The following OR9I1 variants were observed in gnomAD, a reference collection of about 807,000 sequenced individuals.
OR9I1 encodes olfactory receptor 9I1.
OR9I1 carries 7 observed loss-of-function variants against 11.2 expected under a neutral mutation model. The ratio of observed to expected loss-of-function variants is 0.62; its 90% CI spans 0.36 to 1.17. OR9I1 has a LOEUF of 1.17. OR9I1 is among the 50% of genes most tolerant of loss of function. OR9I1 has a pLI of 0.02. For synonymous variants in OR9I1, 165 were observed against 153.4 expected, an observed-to-expected ratio of 1.08 and a Z score of -0.56; for missense variants, 428 against 377.2, an observed-to-expected ratio of 1.13 and a Z score of -1.12.
rs1480599183 is a variant in OR9I1, at chr11:58,124,437, C to A, written c.-23+1G>T. 1 of 152,172 alleles carries A rather than the reference C, an allele frequency of 6.6e-6. No individual in the cohort carries two copies. Among genetic ancestry groups the A allele is most frequent in the Non-Finnish European group, 1.5e-5 (1 of 68,034 alleles). The allele number at this position is 152,172 out of a possible 1,614,324, so 9.4% of individuals were successfully genotyped here. A position where few individuals can be genotyped will look rare whatever the true frequency, so the allele number is the denominator to read the frequency against. ...AGATGGTCCCTAACACTTGTACTTA[C>A]TTTAACTTGGGATGTTCTCCATACT... On this transcript the variant is annotated splice_donor_variant, in intron 2 of 2. Coordinates refer to ENST00000641439, the MANE Select transcript of OR9I1 (RefSeq NM_001005211.2). LOFTEE classifies it low-confidence loss of function (5UTR_SPLICE).
rs1459015372 is a variant in OR9I1 at position 58,117,467 on chromosome 11, C to G, written c.*1033G>C. 1.3e-5 allele frequency: 2 copies of G among 152,072 alleles called. No homozygotes were observed. The highest frequency in any genetic ancestry group is 2.9e-5 in the Non-Finnish European group (2 of 68,020). 9.4% of individuals were successfully genotyped at this position (152,072 alleles called of 1,614,324 possible). A position where few individuals can be genotyped will look rare whatever the true frequency, so the allele number is the denominator to read the frequency against. ...CATTTGCCATAGAGTTGCCAGAAGG[C>G]TCAAATAGGAACAAGCATGTACCAT... On this transcript the variant is annotated 3_prime_UTR_variant, in exon 3 of 3. Coordinates refer to ENST00000641439, the MANE Select transcript of OR9I1 (RefSeq NM_001005211.2).
At chr11:58,124,974 TGTCCAAG>T (rs1344124289) in intron 1 of OR9I1, among the ~76,000 whole-genome samples, 8 of 152,282 alleles carry the variant, frequency 5.3e-5, no homozygotes, top group African/African-American at 1.9e-4. Context: ...TTAAGTACCT[TGTCCAAG>T]GTCACATGAC....
Position 58,118,518 on chromosome 11 carries a change from C to T in OR9I1, c.927G>A (p.Gln309=), listed in dbSNP as rs78218902. Residue 309 remains glutamine (Q), a synonymous_variant, in exon 3 of 3, where the codon CAG becomes CAA. Transcript: ENST00000641439. ...DAFRKVARRL[Q]VSLSM Reference sequence around the variant, plus strand: ...CTTAGATCTACATGCTCAGGGACACCTGGAGTCTCCTAGCGACCTTTCTGA... The same window carrying T: ...CTTAGATCTACATGCTCAGGGACACTTGGAGTCTCCTAGCGACCTTTCTGA... 6.2e-7 allele frequency: 1 copy of T among 1,604,130 alleles called. No individual in the cohort carries two copies. Among genetic ancestry groups the T allele is most frequent in the African/African-American group, 1.3e-5 (1 of 74,312 alleles).
At chr11:58,124,993 A>G (rs1328750963) in intron 1 of OR9I1, among the ~76,000 whole-genome samples, 2 of 152,206 alleles carry the variant, frequency 1.3e-5, no homozygotes, top group African/African-American at 4.8e-5. Flanking sequence ...TCACATGACT[A>G]GTCAATGAAA....
At chr11:58,122,663 A>G (rs1854046090) in intron 2 of OR9I1, among the ~76,000 whole-genome samples, 1 of 152,160 alleles carries the variant, frequency 6.6e-6, no homozygotes, top group African/African-American at 2.4e-5. Flanking sequence ...AGTTCCTGAT[A>G]AACCATCATC....
At chr11:58,121,156 A>G (rs1239621101) in intron 2 of OR9I1, among the ~76,000 whole-genome samples, 1 of 142,502 alleles carries the variant, frequency 7.0e-6, no homozygotes, top group African/African-American at 2.4e-5. Context: ...CAAGTCAAAT[A>G]AATGCTCCTT....
rs375819259 is a variant in OR9I1 at position 58,118,932 on chromosome 11, G to A, written c.513C>T (p.Asp171=). The change falls in exon 3 of 3, where the codon GAC becomes GAT. Residue 171 remains aspartate (D), a synonymous_variant. Coordinates refer to ENST00000641439, the MANE Select transcript of OR9I1 (RefSeq NM_001005211.2). ...TCTFTLSFCK[D]NQINFFFCDL... ...CACAGAAGAAGAAGTTTATTTGATTGTCCTTACAGAAGGAGAGGGTGAAGG... is the reference window on the plus strand; with the variant it reads ...CACAGAAGAAGAAGTTTATTTGATTATCCTTACAGAAGGAGAGGGTGAAGG... 96 of 1,613,906 alleles carry A rather than the reference G, an allele frequency of 5.9e-5. 1 individual carries two copies. In the East Asian group the frequency reaches 8.5e-4, roughly 14 times the overall value.
Position 58,119,475 on chromosome 11 carries a change from G to T in OR9I1, c.-22-9C>A. 1 of 1,320,488 alleles carries T rather than the reference G, an allele frequency of 7.6e-7. No homozygotes were observed. Among genetic ancestry groups the T allele is most frequent in the Non-Finnish European group, 1.1e-6 (1 of 949,060 alleles). 81.8% of individuals were successfully genotyped at this position (1,320,488 alleles called of 1,614,324 possible). A position where few individuals can be genotyped will look rare whatever the true frequency, so the allele number is the denominator to read the frequency against. On this transcript the variant is annotated splice_polypyrimidine_tract_variant and intron_variant, in intron 2 of 2. Coordinates refer to ENST00000641439, the MANE Select transcript of OR9I1 (RefSeq NM_001005211.2). ...CAATGTGGACTGTTGGTCTGAGGAT[G>T]ATAATGAAATAAAAAGAATCTCAGA...
chr11:58,122,674 A>G (rs983061343), intron 2 of OR9I1, among the ~76,000 whole-genome samples: 2 of 152,134 alleles, frequency 1.3e-5, no homozygotes, highest in African/African-American at 4.8e-5. Flanking sequence ...AACCATCATC[A>G]TTGGTCAGGG....
intron 2 of OR9I1, among the ~76,000 whole-genome samples, chr11:58,122,653 A>G (rs933814498): frequency 1.3e-5 from 2 of 152,146 alleles, no homozygotes; most frequent in African/African-American, 4.8e-5. Context: ...TTTACTCCTC[A>G]GTTCCTGATA....
intron 1 of OR9I1, 57 bp from the exon 2 acceptor site, chr11:58,124,696 GT>G: frequency 6.6e-6 from 1 of 152,238 alleles, no homozygotes; most frequent in East Asian, 1.9e-4. Flanking sequence ...GGAAATGAAG[GT>G]TTAGAGACAT....
intron 2 of OR9I1, among the ~76,000 whole-genome samples, chr11:58,123,154 T>C (rs1854052791): frequency 6.6e-6 from 1 of 152,240 alleles, no homozygotes; most frequent in South Asian, 2.1e-4. Flanking sequence ...TGTCTAAAAT[T>C]ACCTCCAAGT....
rs1265418015 is a variant in OR9I1, at chr11:58,119,182, C to G, written c.263G>C (p.Gly88Ala). ...TPQILATLATGKTVISYGHCA... is the reference protein window; with the variant it reads ...TPQILATLATAKTVISYGHCA... ...GTGGCCGTAGGAGATGACCGTTTTG[C>G]CTGTGGCCAATGTGGCTAGGATCTG... Residue 88 changes from glycine to alanine, a missense_variant, in exon 3 of 3, where the codon GGC becomes GCC. By Grantham distance (60) the Gly-to-Ala change is moderately conservative. Transcript: ENST00000641439. The G allele has an allele frequency of 1.9e-6, 3 of 1,613,844 alleles. No individual in the cohort carries two copies. The highest frequency in any genetic ancestry group is 1.3e-5 in the African/African-American group (1 of 74,924).
Position 58,119,324 on chromosome 11 carries a change from C to G in OR9I1, c.121G>C (p.Gly41Arg). ...FLSFYLVTLL[G>R]NVGMIMLIQV... ...ATTAACATAATCATCCCCACATTCCCAAGAAGGGTGACTAGGTAGAAACTC... is the reference window on the plus strand; with the variant it reads ...ATTAACATAATCATCCCCACATTCCGAAGAAGGGTGACTAGGTAGAAACTC... The change falls in exon 3 of 3, where the codon GGG becomes CGG. Residue 41 changes from glycine (G) to arginine (R), a missense_variant. Coordinates refer to ENST00000641439, the MANE Select transcript of OR9I1 (RefSeq NM_001005211.2). The G allele has an allele frequency of 1.2e-6, 2 of 1,613,828 alleles. No individual in the cohort carries two copies. Among genetic ancestry groups the G allele is most frequent in the Non-Finnish European group, 1.7e-6 (2 of 1,179,848 alleles).
At position 58,118,357 on chromosome 11, in the gene OR9I1, T is replaced by C. The variant is rs1019136950; in HGVS notation, c.*143A>G. On this transcript the variant is annotated 3_prime_UTR_variant, in exon 3 of 3. Coordinates refer to ENST00000641439, the MANE Select transcript of OR9I1 (RefSeq NM_001005211.2). Reference sequence around the variant, plus strand: ...TGCTGGAAACTAATTTCACCACAATTGTAGTTTTTCCTGTGTGCCTGGTGG... The same window carrying C: ...TGCTGGAAACTAATTTCACCACAATCGTAGTTTTTCCTGTGTGCCTGGTGG... 4.9e-6 allele frequency: 3 copies of C among 610,010 alleles called. No homozygotes were observed. The highest frequency in any genetic ancestry group is 3.6e-5 in the African/African-American group (2 of 54,954). 37.8% of individuals were successfully genotyped at this position (610,010 alleles called of 1,614,324 possible).
At chr11:58,120,397 T>C (rs1854016965) in intron 2 of OR9I1, among the ~76,000 whole-genome samples, 1 of 152,098 alleles carries the variant, frequency 6.6e-6, no homozygotes, top group Non-Finnish European at 1.5e-5. Context: ...GTCATAGGGG[T>C]CTTTTAATTT....
chr11:58,116,772 T>C lies in OR9I1; in HGVS notation c.*1728A>G, dbSNP rs963096084. The C allele has an allele frequency of 6.6e-6, 1 of 152,200 alleles. No homozygotes were observed. Among genetic ancestry groups the C allele is most frequent in the African/African-American group, 2.4e-5 (1 of 41,458 alleles). 9.4% of individuals were successfully genotyped at this position (152,200 alleles called of 1,614,324 possible). On this transcript the variant is annotated 3_prime_UTR_variant, in exon 3 of 3. Coordinates refer to ENST00000641439, the MANE Select transcript of OR9I1 (RefSeq NM_001005211.2). Reference sequence around the variant, plus strand: ...GGTGCTTATTTCTGAATCAGTCAACTACAAGATATTTGGTGAATTATTTTA... The same window carrying C: ...GGTGCTTATTTCTGAATCAGTCAACCACAAGATATTTGGTGAATTATTTTA...
rs556528052 is a variant in OR9I1 at position 58,119,022 on chromosome 11, G to A, written c.423C>T (p.Cys141=). ...LYTVAMNPRL[C]WSLVVGAYVC... ...CATAGGCTCCTACCACCAGGCTCCA[G>A]CAGAGCCTGGGATTCATGGCCACGG... Residue 141 remains cysteine, a synonymous_variant, in exon 3 of 3, where the codon TGC becomes TGT. Transcript: ENST00000641439. The A allele has an allele frequency of 6.2e-6, 10 of 1,613,898 alleles. No individual in the cohort carries two copies. In the African/African-American group the frequency reaches 6.7e-5, roughly 11 times the overall value.
At chr11:58,119,707 T>A (rs775767656) in intron 2 of OR9I1, among the ~76,000 whole-genome samples, 12 of 152,182 alleles carry the variant, frequency 7.9e-5, no homozygotes, top group Non-Finnish European at 1.5e-4. Context: ...ATAAGAGGCA[T>A]ACAATTCTTA....
Sources: allele counts gnomAD v4.1 joint callset (sites outside exome capture counted in the v4.1 genomes callset), GRCh38; gene constraint gnomAD v4.1.1; transcripts MANE v1.5; gene names NCBI Gene and HGNC (gene_info 2026-07-23, HGNC 2026-07-21).